Variants in OXR1 observed in about 807,000 individuals in gnomAD.
The protein encoded by OXR1 is oxidation resistance protein 1.
A neutral mutation model predicts 104.6 loss-of-function variants in OXR1; 41 were observed. That is an observed-to-expected ratio of 0.39 (90% CI 0.31 to 0.51). OXR1 has a LOEUF of 0.51. Among genes scored for constraint, OXR1 ranks in the 20% least tolerant of loss-of-function variants. The pLI is 0.77. For synonymous variants in OXR1, 348 were observed against 348.4 expected (o/e 1.00, Z 0.01); for missense variants, 955 against 1,031.9 (o/e 0.93, Z 1.02).
chr8:106,385,633 A>G (rs536296546), intron 2 of OXR1, among the ~76,000 whole-genome samples: 51 of 152,338 alleles, frequency 3.3e-4, no homozygotes, highest in African/African-American at 1.2e-3. Context: ...GTAACCGTCC[A>G]AGGTCACGCA....
intron 3 of OXR1, among the ~76,000 whole-genome samples, chr8:106,540,005 G>A (rs972273588): frequency 6.6e-6 from 1 of 150,954 alleles, no homozygotes; most frequent in African/African-American, 2.5e-5. Flanking sequence ...AAATGGAAAA[G>A]TTAATATTTA....
chr8:106,697,633 C>T (rs1474674890), intron 7 of OXR1: 27 of 1,613,650 alleles, frequency 1.7e-5, no homozygotes, highest in Admixed American at 5.0e-5. Flanking sequence ...CCTCAGCGTC[C>T]GCTGCACACA....
At chr8:106,681,959 G>A (rs748978564) in intron 4 of OXR1, among the ~76,000 whole-genome samples, 9 of 152,108 alleles carry the variant, frequency 5.9e-5, no homozygotes, top group Non-Finnish European at 1.2e-4. Context: ...ATGCTTTTCT[G>A]TCTCTTAACT....
intron 2 of OXR1, among the ~76,000 whole-genome samples, chr8:106,490,688 G>C (rs538645321): frequency 3.4e-4 from 51 of 152,086 alleles, no homozygotes; most frequent in Non-Finnish European, 6.8e-4. Context: ...TTAAAAGAGT[G>C]CTTTTTAGGA....
At chr8:106,499,506 G>C (rs1474974801) in intron 2 of OXR1, among the ~76,000 whole-genome samples, 1 of 152,060 alleles carries the variant, frequency 6.6e-6, no homozygotes, top group Non-Finnish European at 1.5e-5. Flanking sequence ...ATTCTTCTCT[G>C]TATATTTAGA....
chr8:106,408,966 C>T (rs1014386769), intron 2 of OXR1, among the ~76,000 whole-genome samples: 2 of 152,124 alleles, frequency 1.3e-5, no homozygotes, highest in Non-Finnish European at 2.9e-5. Flanking sequence ...AAGGTGAGTT[C>T]CTGGTCAACA....
intron 12 of OXR1, 42 bp from the exon 13 acceptor site, chr8:106,739,416 C>G: frequency 1.3e-6 from 2 of 1,562,622 alleles, no homozygotes; most frequent in Non-Finnish European, 1.8e-6. Flanking sequence ...GAAAGCATGT[C>G]ACAAGTTTAC....
intron 2 of OXR1, among the ~76,000 whole-genome samples, chr8:106,424,353 A>AT (rs1819025466): frequency 1.3e-5 from 2 of 152,142 alleles, no homozygotes; most frequent in African/African-American, 2.4e-5. Context: ...TTTTCTTAAG[A>AT]TTTTTCTGTA....
chr8:106,614,539 C>CA (rs1821054360), intron 3 of OXR1, among the ~76,000 whole-genome samples: 1 of 152,148 alleles, frequency 6.6e-6, no homozygotes, highest in Non-Finnish European at 1.5e-5. Context: ...GGTAGATAGC[C>CA]AATATTTGTC....
At chr8:106,554,496 C>T (rs901645083) in intron 3 of OXR1, among the ~76,000 whole-genome samples, 38 of 152,160 alleles carry the variant, frequency 2.5e-4, no homozygotes, top group African/African-American at 7.2e-4. Context: ...CAAATAAGAC[C>T]GGTAGATTAG....
chr8:106,395,829 A>G (rs758652184), intron 2 of OXR1, among the ~76,000 whole-genome samples: 1 of 152,056 alleles, frequency 6.6e-6, no homozygotes, highest in Non-Finnish European at 1.5e-5. Context: ...ATTCTTTGGG[A>G]AAATGGCTAA....
chr8:106,491,471 C>CT (rs1811082516), intron 2 of OXR1, among the ~76,000 whole-genome samples: 2 of 152,142 alleles, frequency 1.3e-5, no homozygotes, highest in African/African-American at 4.8e-5. Flanking sequence ...AAATAGAACT[C>CT]TTTTAACCAA....
At chr8:106,610,669 C>T (rs1820748964) in intron 3 of OXR1, among the ~76,000 whole-genome samples, 1 of 152,160 alleles carries the variant, frequency 6.6e-6, no homozygotes, top group South Asian at 2.1e-4. Flanking sequence ...GAGCACTTTC[C>T]TTTTCCCCTG....
chr8:106,273,511 G>C (rs1333664406), intron 1 of OXR1, among the ~76,000 whole-genome samples: 1 of 152,202 alleles, frequency 6.6e-6, no homozygotes, highest in Non-Finnish European at 1.5e-5. Context: ...GCCAGGCCAG[G>C]GATGCTGTGA....
At chr8:106,460,429 A>G (rs1427458503) in intron 2 of OXR1, among the ~76,000 whole-genome samples, 1 of 152,194 alleles carries the variant, frequency 6.6e-6, no homozygotes, top group Admixed American at 6.5e-5. Flanking sequence ...GTGGATTCTA[A>G]TGAGACACAA....
At chr8:106,534,745 A>G (rs1814355639) in intron 3 of OXR1, among the ~76,000 whole-genome samples, 2 of 152,234 alleles carry the variant, frequency 1.3e-5, no homozygotes, top group Admixed American at 6.5e-5. Context: ...ATTAAATAAG[A>G]TAGTGCATGT....
chr8:106,613,715 T>C (rs994874990), intron 3 of OXR1, among the ~76,000 whole-genome samples: 2 of 152,186 alleles, frequency 1.3e-5, no homozygotes, highest in African/African-American at 2.4e-5. Flanking sequence ...GTCCTATACA[T>C]ATCAGCCAAC....
At chr8:106,707,262 C>G in intron 9 of OXR1, 117 bp downstream of exon 9, 1 of 829,122 alleles carries the variant, frequency 1.2e-6, no homozygotes, top group Non-Finnish European at 2.0e-6. Context: ...GTGAGTGACC[C>G]TTGACCGGTG....
chr8:106,717,940 G>A (rs1832429655), intron 11 of OXR1, among the ~76,000 whole-genome samples: 1 of 151,984 alleles, frequency 6.6e-6, no homozygotes, highest in Admixed American at 6.5e-5. Flanking sequence ...TACCTCAAAG[G>A]GCAATACTTT....
Sources: allele counts gnomAD v4.1 joint callset (sites outside exome capture counted in the v4.1 genomes callset), GRCh38; gene constraint gnomAD v4.1.1; transcripts MANE v1.5; gene names NCBI Gene and HGNC (gene_info 2026-07-23, HGNC 2026-07-21).